Variants in RND1 observed in about 807,000 individuals in gnomAD.
RND1 encodes rho-related GTP-binding protein Rho6.
In RND1, 9 loss-of-function variants were observed where a neutral mutation model predicts 27.1. The ratio of observed to expected loss-of-function variants is 0.33; its 90% CI spans 0.20 to 0.58. RND1 has a LOEUF of 0.58. RND1 is among the 20% of genes least tolerant of loss of function. The pLI is 0.86. For missense variants in RND1, 253 were observed against 292.2 expected, an observed-to-expected ratio of 0.87 and a Z score of 0.98; for synonymous variants, 108 against 115.7, an observed-to-expected ratio of 0.93 and a Z score of 0.43.
chr12:48,861,932 G>A (rs1238021592), intron 3 of RND1, 77 bp downstream of exon 3: 4 of 829,982 alleles, frequency 4.8e-6, no homozygotes, highest in East Asian at 2.4e-5. Flanking sequence ...TTATACAAGA[G>A]GGCATTCATG....
In RND1 at chr12:48,865,631, G is replaced by A. The variant is rs758392853; in HGVS notation, c.120+17C>T. 35 of 1,606,338 alleles carry A rather than the reference G, an allele frequency of 2.2e-5. No individual in the cohort carries two copies. Among genetic ancestry groups the A allele is most frequent in the Non-Finnish European group, 2.8e-5 (33 of 1,176,650 alleles). ...GGCAGGGAGAAAAGCCGGCCAGCGGGCGGGCGGGCAGCTCACCTCTGGATA... is the reference window on the plus strand; with the variant it reads ...GGCAGGGAGAAAAGCCGGCCAGCGGACGGGCGGGCAGCTCACCTCTGGATA... On this transcript the variant is annotated intron_variant, in intron 1 of 4. Transcript: ENST00000309739.
intron 1 of RND1, chr12:48,865,397 G>A (rs1938972667): frequency 1.9e-6 from 1 of 525,482 alleles, no homozygotes; most frequent in Non-Finnish European, 3.5e-6. Context: ...GGAAGGTGGA[G>A]GGGATCTGAT....
chr12:48,860,986 T>C lies in RND1; in HGVS notation c.453+11A>G, dbSNP rs758780520. 1.7e-5 allele frequency: 27 copies of C among 1,612,776 alleles called. No individual in the cohort carries two copies. Among genetic ancestry groups the C allele is most frequent in the South Asian group, 7.7e-5 (7 of 91,036 alleles). On this transcript the variant is annotated intron_variant, in intron 4 of 4. Coordinates refer to ENST00000309739, the MANE Select transcript of RND1 (RefSeq NM_014470.4). ...CTCCACCCCACGACATGCACTTGCATGCGCACACACCTGCTCATAGGAGAT... is the reference window on the plus strand; with the variant it reads ...CTCCACCCCACGACATGCACTTGCACGCGCACACACCTGCTCATAGGAGAT...
chr12:48,865,600 C>T (rs1313234321), intron 1 of RND1, 48 bp downstream of exon 1: 12 of 1,571,226 alleles, frequency 7.6e-6, no homozygotes, highest in African/African-American at 1.4e-5. Context: ...TACCCCAAGG[C>T]GGGCAGGCAG....
Position 48,857,254 on chromosome 12 carries a change from G to C in RND1, c.*742C>G, listed in dbSNP as rs748186547. 7 of 118,186 alleles carry C rather than the reference G, an allele frequency of 5.9e-5. No homozygotes were observed. Among genetic ancestry groups the C allele is most frequent in the African/African-American group, 2.4e-4 (7 of 29,176 alleles). The allele number at this position is 118,186 out of a possible 1,614,324, so 7.3% of individuals were successfully genotyped here. ...CCTCCCCCCAATTCCAAAGACAAGAGTCTATAAAACAAATGCCAGCTGTAC... is the reference window on the plus strand; with the variant it reads ...CCTCCCCCCAATTCCAAAGACAAGACTCTATAAAACAAATGCCAGCTGTAC... On this transcript the variant is annotated 3_prime_UTR_variant, in exon 5 of 5. Transcript: ENST00000309739.
intron 2 of RND1, among the ~76,000 whole-genome samples, chr12:48,864,384 GGTGTGTGTGT>G (rs539837491): frequency 3.2e-4 from 45 of 141,786 alleles, no homozygotes; most frequent in African/African-American, 4.4e-4. Flanking sequence ...GGAAGTAAAA[GGTGTGTGTGT>G]GTGTGTGTGT....
At chr12:48,865,612 G>A (rs755983850) in intron 1 of RND1, 36 bp downstream of exon 1, 2 of 1,588,834 alleles carry the variant, frequency 1.3e-6, no homozygotes, top group African/African-American at 1.3e-5. Flanking sequence ...GGCAGGCAGG[G>A]AGAAAAGCCG....
At chr12:48,860,641 T>A (rs1385639977) in intron 4 of RND1, among the ~76,000 whole-genome samples, 1 of 147,242 alleles carries the variant, frequency 6.8e-6, no homozygotes, top group Non-Finnish European at 1.5e-5. Context: ...GCTCAAGCTA[T>A]CCTCCTGCCT....
rs961761046 is a variant in RND1, at chr12:48,865,636, C to T, written c.120+12G>A. The T allele has an allele frequency of 3.7e-6, 6 of 1,608,220 alleles. No individual in the cohort carries two copies. Among genetic ancestry groups the T allele is most frequent in the Middle Eastern group, 1.6e-4 (1 of 6,074 alleles). On this transcript the variant is annotated intron_variant, in intron 1 of 4. Coordinates refer to ENST00000309739, the MANE Select transcript of RND1 (RefSeq NM_014470.4). ...GGAGAAAAGCCGGCCAGCGGGCGGGCGGGCAGCTCACCTCTGGATAGCAAT... is the reference window on the plus strand; with the variant it reads ...GGAGAAAAGCCGGCCAGCGGGCGGGTGGGCAGCTCACCTCTGGATAGCAAT...
chr12:48,857,921 T>A lies in RND1; in HGVS notation c.*75A>T. 6.6e-7 allele frequency: 1 copy of A among 1,509,808 alleles called. No individual in the cohort carries two copies. The highest frequency in any genetic ancestry group is 1.3e-5 in the South Asian group (1 of 74,218). The allele number at this position is 1,509,808 out of a possible 1,614,324, so 93.5% of individuals were successfully genotyped here. A position where few individuals can be genotyped will look rare whatever the true frequency, so the allele number is the denominator to read the frequency against. On this transcript the variant is annotated 3_prime_UTR_variant, in exon 5 of 5. Transcript: ENST00000309739. ...CTCATGTCCAGTGTCCTAAATTGTC[T>A]CATCCTCCCTCTCCCCGTGCCTCTG...
In RND1 at chr12:48,858,227, T is replaced by C; in HGVS notation, c.468A>G (p.Ala156=). Residue 156 remains alanine, a synonymous_variant, in exon 5 of 5, where the codon GCA becomes GCG. Coordinates refer to ENST00000309739, the MANE Select transcript of RND1 (RefSeq NM_014470.4). ...GGTAGATTTCTGCACCCAGCTGCTT[T>C]GCTATTGCACAACCCTGCAGGAGGG... ...PISYEQGCAI[A]KQLGAEIYLE... 1 of 1,614,056 alleles carries C rather than the reference T, an allele frequency of 6.2e-7. No homozygotes were observed. The highest frequency in any genetic ancestry group is 8.5e-7 in the Non-Finnish European group (1 of 1,179,982).
chr12:48,862,899 C>T (rs543207721), intron 2 of RND1, among the ~76,000 whole-genome samples: 6 of 152,186 alleles, frequency 3.9e-5, no homozygotes, highest in East Asian at 1.9e-4. Flanking sequence ...CCAGACAATC[C>T]GTGCTCAGAA....
chr12:48,859,022 G>C (rs1208299582), intron 4 of RND1: 2 of 147,894 alleles, frequency 1.4e-5, no homozygotes, highest in Non-Finnish European at 3.0e-5. Context: ...GCAGTGGCGC[G>C]ATCTCGGCTC....
intron 2 of RND1, among the ~76,000 whole-genome samples, chr12:48,862,922 C>T (rs1938934972): frequency 6.6e-6 from 1 of 151,958 alleles, no homozygotes; most frequent in Non-Finnish European, 1.5e-5. Flanking sequence ...GCAAGCAGCC[C>T]CTCTCCCTGC....
chr12:48,861,920 T>A, intron 3 of RND1, 89 bp downstream of exon 3: 1 of 776,874 alleles, frequency 1.3e-6, no homozygotes, highest in Non-Finnish European at 2.3e-6. Flanking sequence ...CATTTCTTGA[T>A]GTTATACAAG....
chr12:48,858,749 A>G (rs1247587899), intron 4 of RND1: 1 of 152,902 alleles, frequency 6.5e-6, no homozygotes, highest in African/African-American at 2.4e-5. Context: ...ATTCACTGGA[A>G]GTGGGCACAC....
At chr12:48,860,092 T>C (rs552405557) in intron 4 of RND1, among the ~76,000 whole-genome samples, 94 of 150,560 alleles carry the variant, frequency 6.2e-4, no homozygotes, top group African/African-American at 2.2e-3. Context: ...TTTTTTTTTT[T>C]TTTCCTTGAG....
intron 1 of RND1, among the ~76,000 whole-genome samples, chr12:48,865,157 T>A (rs977587445): frequency 2.6e-5 from 4 of 151,688 alleles, no homozygotes; most frequent in Non-Finnish European, 5.9e-5. Flanking sequence ...CATCCCCAGA[T>A]TTGTGTTTCC....
At position 48,865,815 on chromosome 12, in the gene RND1, G is replaced by A. The variant is rs761940114; in HGVS notation, c.-48C>T. 3.2e-6 allele frequency: 5 copies of A among 1,541,264 alleles called. No homozygotes were observed. The highest frequency in any genetic ancestry group is 3.5e-6 in the Non-Finnish European group (4 of 1,137,784). The stretch of plus-strand genomic sequence containing the variant: ...GAACTTCGATTCAGAAGGGAGGGTT[G>A]CGCCAGGTGCGTCTCAGCACGCCAA... On this transcript the variant is annotated 5_prime_UTR_variant, in exon 1 of 5. Coordinates refer to ENST00000309739, the MANE Select transcript of RND1 (RefSeq NM_014470.4).
Sources: allele counts gnomAD v4.1 joint callset (sites outside exome capture counted in the v4.1 genomes callset), GRCh38; gene constraint gnomAD v4.1.1; transcripts MANE v1.5; gene names NCBI Gene and HGNC (gene_info 2026-07-23, HGNC 2026-07-21).